FABP12: variants seen among roughly 807,000 people sequenced by gnomAD.
FABP12 encodes fatty acid-binding protein 12.
In FABP12, 19 loss-of-function variants were observed where a neutral mutation model predicts 13.7. The observed-to-expected ratio is 1.39, with a 90% CI of 0.97 to 2.04. The LOEUF is 2.04. Ranked by LOEUF, FABP12 falls within the 30% of genes most tolerant of loss-of-function variation. The probability of loss-of-function intolerance (pLI) is 0.00; values close to 1 mark genes in which losing one functional copy is unlikely to be tolerated. For missense variants in FABP12, 182 were observed against 164.2 expected (o/e 1.11, Z -0.59); for synonymous variants, 61 against 57.0 (o/e 1.07, Z -0.32).
intron 1 of FABP12, among the ~76,000 whole-genome samples, chr8:81,544,987 G>C (rs1809412111): frequency 6.6e-6 from 1 of 152,186 alleles, no homozygotes; most frequent in Non-Finnish European, 1.5e-5. Flanking sequence ...AGGCCAGGAA[G>C]TACTTACAGA....
intron 1 of FABP12, among the ~76,000 whole-genome samples, chr8:81,549,065 A>C (rs1809483095): frequency 6.6e-6 from 1 of 152,138 alleles, no homozygotes; most frequent in Non-Finnish European, 1.5e-5. Flanking sequence ...CCCAAACAAC[A>C]AGGAGTTGTC....
chr8:81,531,875 A>C (rs76881566), intron 1 of FABP12, among the ~76,000 whole-genome samples: 6,770 of 152,152 alleles, frequency 0.044, 201 homozygotes, highest in East Asian at 0.16. Flanking sequence ...ACTTTAAGTC[A>C]TGTGCACAAT....
Position 81,565,560 on chromosome 8 carries a change from G to A in FABP12, c.-185+24493C>T, listed in dbSNP as rs928346809. Among the ~76,000 whole-genome samples the A allele has an allele frequency of 3.9e-5, 6 of 151,938 alleles. No individual in the cohort carries two copies. In the East Asian group the frequency reaches 5.8e-4, roughly 15 times the overall value. On this transcript the variant is annotated intron_variant, in intron 1 of 5. Coordinates refer to the FABP12 transcript ENST00000692030. ...TACAATCATGTAGAAATTAAACAAC[G>A]TGTTGTTGAATGACCAGTGGGTCAA...
At chr8:81,585,279 T>C (rs200935951) in intron 1 of FABP12, among the ~76,000 whole-genome samples, 1 of 152,116 alleles carries the variant, frequency 6.6e-6, no homozygotes, top group East Asian at 1.9e-4. Context: ...GAGATAAGGG[T>C]TCTATTTTTA....
At chr8:81,582,267 C>T (rs2581538) in intron 1 of FABP12, among the ~76,000 whole-genome samples, 141,785 of 151,744 alleles carry the variant, frequency 0.93, 66,378 homozygotes, top group East Asian at 1. Context: ...AGACTACAGG[C>T]GTACTCCATC....
intron 1 of FABP12, among the ~76,000 whole-genome samples, chr8:81,560,087 A>G (rs1809695377): frequency 6.6e-6 from 1 of 152,230 alleles, no homozygotes; most frequent in South Asian, 2.1e-4. Context: ...GTATTTCCCA[A>G]CAGAATAGTT....
chr8:81,569,004 G>A lies in FABP12; in HGVS notation c.-185+21049C>T, dbSNP rs1809877721. 2.0e-5 allele frequency among the ~76,000 whole-genome samples: 3 copies of A among 151,680 alleles called. No individual in the cohort carries two copies. In the South Asian group the frequency reaches 6.2e-4, roughly 32 times the overall value. On this transcript the variant is annotated intron_variant, in intron 1 of 5. Transcript: ENST00000692030. The stretch of plus-strand genomic sequence containing the variant: ...GGGTGGGGGAGTAGAGATGGTTATG[G>A]GTACAAAAATATAATTAGATAGAAT...
At position 81,557,698 on chromosome 8, in the gene FABP12, T is replaced by C. The variant is rs183551796; in HGVS notation, c.-184-17955A>G. Among the ~76,000 whole-genome samples, 136 of 152,356 alleles carry C rather than the reference T, an allele frequency of 8.9e-4. 1 individual carries two copies. Among genetic ancestry groups the C allele is most frequent in the African/African-American group, 3.2e-3 (131 of 41,584 alleles). On this transcript the variant is annotated intron_variant, in intron 1 of 5. Transcript: ENST00000692030. Reference sequence around the variant, plus strand: ...CTAGCTGACACCTGAGTTAAACATGTTAACGTTTTTTAAAAGTAAAATTAT... The same window carrying C: ...CTAGCTGACACCTGAGTTAAACATGCTAACGTTTTTTAAAAGTAAAATTAT...
upstream of FABP12, among the ~76,000 whole-genome samples, chr8:81,537,413 T>G (rs1792986673): frequency 6.6e-6 from 1 of 152,202 alleles, no homozygotes; most frequent in East Asian, 1.9e-4. Flanking sequence ...TCTTCTACTT[T>G]TTTTTTTATC....
At chr8:81,537,129 A>G (rs1011333584), upstream of FABP12, among the ~76,000 whole-genome samples, 1 of 152,224 alleles carries the variant, frequency 6.6e-6, no homozygotes, top group African/African-American at 2.4e-5. Context: ...ATGCCAACAG[A>G]AAAATTAATA....
intron 1 of FABP12, among the ~76,000 whole-genome samples, 100 bp downstream of exon 1, chr8:81,533,702 G>C (rs561353824): frequency 6.6e-6 from 1 of 152,146 alleles, no homozygotes; most frequent in Admixed American, 6.5e-5. Flanking sequence ...AGCTGGTCAC[G>C]TGGGACCCAC....
At chr8:81,556,214 T>A (rs1333008574) in intron 1 of FABP12, among the ~76,000 whole-genome samples, 2 of 152,212 alleles carry the variant, frequency 1.3e-5, no homozygotes, top group Non-Finnish European at 2.9e-5. Flanking sequence ...CCGGCAGGAA[T>A]GTGTTGTGTC....
upstream of FABP12, among the ~76,000 whole-genome samples, chr8:81,534,778 A>G (rs1202088472): frequency 1.3e-5 from 2 of 152,064 alleles, no homozygotes; most frequent in Admixed American, 6.6e-5. Flanking sequence ...CCCCGTCTCT[A>G]CTAAAAATTA....
chr8:81,577,117 G>C (rs1810061162), intron 1 of FABP12, among the ~76,000 whole-genome samples: 1 of 152,080 alleles, frequency 6.6e-6, no homozygotes, highest in South Asian at 2.1e-4. Context: ...AAATACTATA[G>C]TAAATGTGCA....
chr8:81,525,081 C>G lies in FABP12; in HGVS notation c.388G>C (p.Glu130Gln), dbSNP rs201121910. Residue 130 changes from glutamate (E) to glutamine (Q), a missense_variant, in exon 5 of 5, where the codon GAG (glutamate) becomes CAG (glutamine). Glu to Gln is a conservative substitution (Grantham distance 29, BLOSUM62 2). Coordinates refer to ENST00000360464, the Ensembl canonical transcript of FABP12. The stretch of plus-strand genomic sequence containing the variant: ...GAGACTGAGTTTGATGATACTTTCT[C>G]GTATGTTCGTGTACAGATAACACTG... 1.1e-4 allele frequency: 173 copies of G among 1,596,538 alleles called. No individual in the cohort carries two copies. Among genetic ancestry groups the G allele is most frequent in the Non-Finnish European group, 1.4e-4 (167 of 1,170,562 alleles).
At chr8:81,578,199 A>T (rs1810087134) in intron 1 of FABP12, among the ~76,000 whole-genome samples, 1 of 152,222 alleles carries the variant, frequency 6.6e-6, no homozygotes, top group African/African-American at 2.4e-5. Flanking sequence ...CATGGAGCTA[A>T]TGTTTTATGA....
intron 3 of FABP12, 170 bp downstream of exon 3, chr8:81,529,268 A>G: frequency 1.5e-6 from 1 of 686,842 alleles, no homozygotes; most frequent in Non-Finnish European, 2.5e-6. Flanking sequence ...CATTTTTCAC[A>G]AGCATCCCAG....
At chr8:81,534,146 A>G (rs1161837708), upstream of FABP12, among the ~76,000 whole-genome samples, 2 of 152,014 alleles carry the variant, frequency 1.3e-5, no homozygotes, top group African/African-American at 2.4e-5. Flanking sequence ...CACCATACAC[A>G]TTATATTGCA....
intron 1 of FABP12, among the ~76,000 whole-genome samples, chr8:81,575,996 T>A (rs971341187): frequency 6.6e-6 from 1 of 152,240 alleles, no homozygotes; most frequent in East Asian, 1.9e-4. Context: ...CTGTTCTATA[T>A]AGCTAATCAG....
Sources: gnomAD v4.1 joint callset for allele counts (sites outside exome capture counted in the v4.1 genomes callset) on GRCh38, gnomAD v4.1.1 for gene constraint, MANE v1.5 for transcripts, NCBI Gene and HGNC (gene_info 2026-07-23, HGNC 2026-07-21) for gene names.